The following TBC1D5 variants were observed in gnomAD, a reference collection of about 807,000 sequenced individuals.
The protein encoded by TBC1D5 is TBC1 domain family member 5.
In TBC1D5, 75 loss-of-function variants were observed where a neutral mutation model predicts 100.3. The ratio of observed to expected loss-of-function variants is 0.75; its 90% CI spans 0.62 to 0.91. TBC1D5 has a LOEUF of 0.91. TBC1D5 is among the 40% of genes least tolerant of loss of function. The pLI is 0.00. For synonymous variants in TBC1D5, 323 were observed against 325.6 expected, an observed-to-expected ratio of 0.99 and a Z score of 0.09; for missense variants, 910 against 942.4, an observed-to-expected ratio of 0.97 and a Z score of 0.45.
intron 13 of TBC1D5, among the ~76,000 whole-genome samples, chr3:17,311,950 T>A (rs931131935): frequency 3.9e-5 from 6 of 152,236 alleles, no homozygotes; most frequent in Admixed American, 3.9e-4. Flanking sequence ...AATTTTTAAA[T>A]AATCTATGCC....
intron 13 of TBC1D5, among the ~76,000 whole-genome samples, chr3:17,361,480 C>A (rs1337712258): frequency 6.6e-6 from 1 of 151,984 alleles, no homozygotes; most frequent in African/African-American, 2.4e-5. Flanking sequence ...AATCATTTCA[C>A]GTGCACAAGA....
chr3:17,483,488 T>A (rs1478419182), intron 3 of TBC1D5, among the ~76,000 whole-genome samples: 1 of 152,212 alleles, frequency 6.6e-6, no homozygotes, highest in Non-Finnish European at 1.5e-5. Context: ...TGCATTTAAG[T>A]GGTCAATCCA....
intron 13 of TBC1D5, among the ~76,000 whole-genome samples, chr3:17,322,953 G>C (rs920278269): frequency 4.6e-5 from 7 of 152,152 alleles, no homozygotes; most frequent in African/African-American, 1.7e-4. Context: ...GGTTAAATTG[G>C]CCCTTGGGTA....
At chr3:17,543,563 A>C (rs2096380868) in intron 2 of TBC1D5, among the ~76,000 whole-genome samples, 1 of 152,138 alleles carries the variant, frequency 6.6e-6, no homozygotes, top group East Asian at 1.9e-4. Flanking sequence ...GATTGAGCCC[A>C]GGAGGTTGAG....
intron 18 of TBC1D5, among the ~76,000 whole-genome samples, chr3:17,186,710 C>CAAAAAAAAAAAAAAAAAAAAAAAAAAA (rs58438478): frequency 1.5e-4 from 4 of 27,280 alleles, no homozygotes; most frequent in Admixed American, 8.7e-4. Flanking sequence ...ACTCTATCTC[C>CAAAAAAAAAAAAAAAAAAAAAAAAAAA]AAAAAAAAAA....
chr3:17,451,400 G>C (rs917943366), intron 3 of TBC1D5, among the ~76,000 whole-genome samples: 2 of 152,128 alleles, frequency 1.3e-5, no homozygotes, highest in African/African-American at 4.8e-5. Context: ...ATGAAGAAAA[G>C]CTCATCATCA....
chr3:17,671,464 C>T (rs185783787), intron 1 of TBC1D5, among the ~76,000 whole-genome samples: 1 of 152,080 alleles, frequency 6.6e-6, no homozygotes, highest in African/African-American at 2.4e-5. Flanking sequence ...ACGGCCTCCC[C>T]CAAAGTGTCC....
intron 1 of TBC1D5, among the ~76,000 whole-genome samples, chr3:17,667,524 T>C (rs1043312019): frequency 2.6e-5 from 4 of 152,078 alleles, no homozygotes; most frequent in Admixed American, 2.6e-4. Context: ...GGCACAATCA[T>C]GGCTGCAGCC....
intron 1 of TBC1D5, among the ~76,000 whole-genome samples, chr3:17,724,977 C>T (rs2076006097): frequency 6.6e-6 from 1 of 152,108 alleles, no homozygotes; most frequent in South Asian, 2.1e-4. Flanking sequence ...CTTGTAGAGG[C>T]TTCATTGCTT....
intron 9 of TBC1D5, among the ~76,000 whole-genome samples, chr3:17,381,257 T>C (rs2092933148): frequency 6.6e-6 from 1 of 152,082 alleles, no homozygotes; most frequent in South Asian, 2.1e-4. Flanking sequence ...AGTTATTATG[T>C]TTTTGTTCCT....
intron 3 of TBC1D5, among the ~76,000 whole-genome samples, chr3:17,451,350 A>G (rs2094923052): frequency 6.6e-6 from 1 of 152,206 alleles, no homozygotes; most frequent in African/African-American, 2.4e-5. Flanking sequence ...GGATATGAAC[A>G]GACACTTCAC....
intron 16 of TBC1D5, among the ~76,000 whole-genome samples, chr3:17,243,636 C>A (rs1372786913): frequency 6.6e-6 from 1 of 151,946 alleles, no homozygotes; most frequent in African/African-American, 2.4e-5. Context: ...GCTCATGTAA[C>A]TATTTTAAAA....
At chr3:17,196,921 A>G (rs1454698943) in intron 18 of TBC1D5, among the ~76,000 whole-genome samples, 1 of 152,246 alleles carries the variant, frequency 6.6e-6, no homozygotes. Flanking sequence ...CGAAGTTCAC[A>G]TTTGCTTACA....
At chr3:17,186,157 A>G (rs2125534962) in intron 18 of TBC1D5, among the ~76,000 whole-genome samples, 1 of 152,154 alleles carries the variant, frequency 6.6e-6, no homozygotes. Context: ...CTGATTTTCC[A>G]GTCTTAGATC....
chr3:17,615,250 G>C (rs1051293623), intron 2 of TBC1D5, among the ~76,000 whole-genome samples: 1 of 152,200 alleles, frequency 6.6e-6, no homozygotes, highest in African/African-American at 2.4e-5. Context: ...GATCGTGGTG[G>C]ATAAACTTTT....
chr3:17,622,187 T>A (rs1257162900), intron 2 of TBC1D5, among the ~76,000 whole-genome samples: 1 of 152,154 alleles, frequency 6.6e-6, no homozygotes, highest in East Asian at 1.9e-4. Context: ...GCAATGTGGA[T>A]CCCTCGCATA....
intron 2 of TBC1D5, among the ~76,000 whole-genome samples, chr3:17,535,038 T>A (rs1200532889): frequency 6.6e-6 from 1 of 152,216 alleles, no homozygotes; most frequent in East Asian, 1.9e-4. Context: ...ACCTAACTAC[T>A]CAATATCAAT....
At chr3:17,343,946 GT>G (rs1002390460) in intron 13 of TBC1D5, among the ~76,000 whole-genome samples, 14 of 150,498 alleles carry the variant, frequency 9.3e-5, no homozygotes, top group African/African-American at 2.9e-4. Context: ...TTTTTGAAGG[GT>G]TTTTTTTGTC....
At chr3:17,668,557 A>G (rs2153773962) in intron 1 of TBC1D5, among the ~76,000 whole-genome samples, 1 of 152,232 alleles carries the variant, frequency 6.6e-6, no homozygotes, top group South Asian at 2.1e-4. Flanking sequence ...ATAATCTATT[A>G]ATATTGTTTC....
Sources: gnomAD v4.1 joint callset for allele counts (sites outside exome capture counted in the v4.1 genomes callset) on GRCh38, gnomAD v4.1.1 for gene constraint, MANE v1.5 for transcripts, NCBI Gene and HGNC (gene_info 2026-07-23, HGNC 2026-07-21) for gene names.